The following ANK3 variants were observed in gnomAD, a reference collection of about 807,000 sequenced individuals.
ANK3 encodes ankyrin-3.
A neutral mutation model predicts 370.9 loss-of-function variants in ANK3; 57 were observed. The ratio of observed to expected loss-of-function variants is 0.15; its 90% confidence interval spans 0.12 to 0.19. ANK3 has a LOEUF of 0.19. ANK3 is among the 10% of genes least tolerant of loss of function. The pLI, the probability that ANK3 is intolerant of heterozygous loss-of-function variation, is 1.00. For missense variants in ANK3, 4,439 were observed against 5,302.1 expected (o/e 0.84, Z 5.06); for synonymous variants, 1,929 against 1,946.3 (o/e 0.99, Z 0.23).
At chr10:60,595,783 A>ACCCTTGTTAATTAT (rs769455079) in intron 2 of ANK3, among the ~76,000 whole-genome samples, 2 of 152,230 alleles carry the variant, frequency 1.3e-5, no homozygotes, top group Non-Finnish European at 2.9e-5. Flanking sequence ...CCAGGAATGA[A>ACCCTTGTTAATTAT]CAAGGGTAGC....
chr10:60,126,503 T>G (rs1182278214), intron 25 of ANK3, among the ~76,000 whole-genome samples: 1 of 151,950 alleles, frequency 6.6e-6, no homozygotes. Flanking sequence ...CTGGCCAGTA[T>G]GGTGAAACTC....
At chr10:60,674,748 G>T (rs1051144100) in intron 1 of ANK3, among the ~76,000 whole-genome samples, 2 of 152,112 alleles carry the variant, frequency 1.3e-5, no homozygotes, top group South Asian at 4.1e-4. Flanking sequence ...CCCCATAGAG[G>T]TAACCACTGT....
chr10:60,060,139 C>T (rs75942334), intron 40 of ANK3: 9,842 of 639,828 alleles, frequency 0.015, 501 homozygotes, highest in East Asian at 0.11. Flanking sequence ...ATAAATTTAT[C>T]GGTTTAGTTC....
intron 1 of ANK3, among the ~76,000 whole-genome samples, chr10:60,703,828 G>A (rs1219388980): frequency 6.6e-6 from 1 of 152,120 alleles, no homozygotes; most frequent in African/African-American, 2.4e-5. Context: ...AGTTCCATAT[G>A]TGTAGTAGCT....
chr10:60,373,317 C>T (rs375785583), intron 1 of ANK3, among the ~76,000 whole-genome samples: 15 of 152,016 alleles, frequency 9.9e-5, no homozygotes, highest in Admixed American at 5.9e-4. Context: ...GCAGTATAGG[C>T]AGGGGAAAGT....
intron 2 of ANK3, among the ~76,000 whole-genome samples, chr10:60,497,697 A>C (rs916896330): frequency 2.6e-5 from 4 of 152,184 alleles, no homozygotes; most frequent in Non-Finnish European, 4.4e-5. Context: ...TGTTCATTTG[A>C]TTGGCACTGT....
At chr10:60,400,351 G>A (rs562841417) in intron 2 of ANK3, among the ~76,000 whole-genome samples, 64 of 152,150 alleles carry the variant, frequency 4.2e-4, no homozygotes, top group Admixed American at 1.6e-3. Flanking sequence ...ATGCTGATTC[G>A]GCTTCCAACC....
At chr10:60,386,532 G>T (rs1269303389) in intron 1 of ANK3, among the ~76,000 whole-genome samples, 1 of 148,198 alleles carries the variant, frequency 6.7e-6, no homozygotes, top group Non-Finnish European at 1.5e-5. Flanking sequence ...TAGAAGTTCT[G>T]TACTGCTTTT....
intron 23 of ANK3, among the ~76,000 whole-genome samples, chr10:60,146,765 C>CCA (rs1438046703): frequency 6.6e-6 from 1 of 152,198 alleles, no homozygotes; most frequent in African/African-American, 2.4e-5. Context: ...CAGACATGAG[C>CCA]CACTGCGCCC....
intron 1 of ANK3, among the ~76,000 whole-genome samples, chr10:60,306,352 T>C (rs1374141259): frequency 3.9e-5 from 6 of 151,990 alleles, no homozygotes; most frequent in African/African-American, 9.7e-5. Flanking sequence ...TAATGGCCTC[T>C]ACCTTCATCC....
intron 2 of ANK3, among the ~76,000 whole-genome samples, chr10:60,591,303 T>TTTTATTTATTTA (rs79060296): frequency 1.3e-3 from 174 of 137,584 alleles, no homozygotes; most frequent in East Asian, 2.9e-3. Flanking sequence ...TTTATTTTTA[T>TTTTATTTATTTA]TTTATTTATT....
rs539799701 is a variant in ANK3 at position 60,039,283 on chromosome 10, G to A, written c.*19+3389C>T. On this transcript the variant is annotated intron_variant, in intron 43 of 43. Transcript: ENST00000280772. ...GGCTTACACATGGCTGTGAGAACCT[G>A]AGCATTTTCCTAGAGGAGGTTTAGA... is the stretch of plus-strand genomic sequence containing the variant. Among the ~76,000 whole-genome samples the A allele has an allele frequency of 3.3e-5, 5 of 152,324 alleles. No homozygotes were observed. The East Asian group carries it at 5.8e-4, about 18-fold the overall frequency.
At chr10:60,498,318 T>C (rs184299465) in intron 2 of ANK3, among the ~76,000 whole-genome samples, 17 of 152,268 alleles carry the variant, frequency 1.1e-4, no homozygotes, top group Admixed American at 7.2e-4. Context: ...TGACTCTGGG[T>C]TTATTGAAGA....
chr10:60,632,176 C>T (rs1461428909), intron 1 of ANK3, among the ~76,000 whole-genome samples: 1 of 81,610 alleles, frequency 1.2e-5, no homozygotes, highest in Non-Finnish European at 2.8e-5. Context: ...TTAAAAAATA[C>T]CATTTAATGT....
chr10:60,038,258 A>G (rs541806265), intron 43 of ANK3, among the ~76,000 whole-genome samples: 1 of 152,240 alleles, frequency 6.6e-6, no homozygotes, highest in Admixed American at 6.5e-5. Context: ...TTAGCGGGGC[A>G]TGGTAGCATG....
intron 43 of ANK3, among the ~76,000 whole-genome samples, chr10:60,035,317 T>C (rs2074679209): frequency 6.6e-6 from 1 of 152,048 alleles, no homozygotes; most frequent in Non-Finnish European, 1.5e-5. Flanking sequence ...GGTACGATCT[T>C]GGCTTGCTGC....
chr10:60,529,766 C>T (rs1002537091), intron 2 of ANK3, among the ~76,000 whole-genome samples: 2 of 152,154 alleles, frequency 1.3e-5, no homozygotes, highest in African/African-American at 4.8e-5. Context: ...TTAGACATTA[C>T]ATTAACACCA....
intron 8 of ANK3, among the ~76,000 whole-genome samples, chr10:60,218,904 C>T (rs1434391249): frequency 6.6e-6 from 1 of 152,054 alleles, no homozygotes; most frequent in Non-Finnish European, 1.5e-5. Flanking sequence ...TTCTCCCCAT[C>T]TCCTTCTCAT....
chr10:60,262,304 G>A (rs375981252), intron 6 of ANK3, among the ~76,000 whole-genome samples: 1 of 152,172 alleles, frequency 6.6e-6, no homozygotes. Flanking sequence ...TATTACTGAC[G>A]ATAGAATTGT....
Sources: allele counts gnomAD v4.1 joint callset (sites outside exome capture counted in the v4.1 genomes callset), GRCh38; gene constraint gnomAD v4.1.1; transcripts MANE v1.5; gene names NCBI Gene and HGNC (gene_info 2026-07-23, HGNC 2026-07-21).